The following CCDC171 variants were observed in gnomAD, a reference collection of about 807,000 sequenced individuals.
CCDC171 encodes the protein coiled-coil domain containing 171, also known as coiled-coil domain-containing protein 171.
Under a neutral mutation model 168.2 loss-of-function variants are expected in CCDC171, and 177 were observed. The observed-to-expected ratio is 1.05, with a 90% CI of 0.93 to 1.19. The LOEUF (loss-of-function observed/expected upper bound fraction) is 1.19. Among genes scored for constraint, CCDC171 ranks in the 50% most tolerant of loss-of-function variants. CCDC171 has a pLI of 0.00. For synonymous variants in CCDC171, 687 were observed against 540.8 expected, an observed-to-expected ratio of 1.27 and a Z score of -3.75; for missense variants, 1,991 against 1,539.0, an observed-to-expected ratio of 1.29 and a Z score of -4.91.
intron 25 of CCDC171, among the ~76,000 whole-genome samples, chr9:15,950,971 A>T (rs1210075277): frequency 1.3e-5 from 2 of 151,468 alleles, no homozygotes; most frequent in African/African-American, 4.8e-5. Context: ...AGGGGTTGCA[A>T]TTCTAGTCTC....
At chr9:16,090,640 T>A in the CCDC171 span, among the ~76,000 whole-genome samples, 1 of 152,226 alleles carries the variant, frequency 6.6e-6, no homozygotes, top group African/African-American at 2.4e-5. Flanking sequence ...GGCCTCACTT[T>A]TATCTACCTG....
At chr9:15,635,180 C>T (rs2046106982) in intron 7 of CCDC171, among the ~76,000 whole-genome samples, 1 of 152,152 alleles carries the variant, frequency 6.6e-6, no homozygotes, top group Non-Finnish European at 1.5e-5. Context: ...AGGCCATCTG[C>T]AAGCTGAGGA....
intron 24 of CCDC171, among the ~76,000 whole-genome samples, chr9:15,895,086 CATGTCACTTTTTAGCAA>C (rs1820734588): frequency 6.6e-6 from 1 of 152,072 alleles, no homozygotes; most frequent in South Asian, 2.1e-4. Context: ...TATTTCCAGC[CATGTCACTTTTTAGCAA>C]TGTGCCTGTA....
intron 24 of CCDC171, among the ~76,000 whole-genome samples, chr9:15,909,782 A>C (rs1823341448): frequency 6.6e-6 from 1 of 152,200 alleles, no homozygotes; most frequent in Admixed American, 6.5e-5. Flanking sequence ...AATTTCCTTT[A>C]ATTCCTGGTG....
chr9:15,949,194 G>A (rs1564052130), intron 25 of CCDC171, among the ~76,000 whole-genome samples: 1 of 151,952 alleles, frequency 6.6e-6, no homozygotes, highest in Non-Finnish European at 1.5e-5. Flanking sequence ...CTCAGTTTTG[G>A]TACCAGTACC....
chr9:15,693,872 T>C (rs1372524838), intron 10 of CCDC171, among the ~76,000 whole-genome samples: 1 of 152,174 alleles, frequency 6.6e-6, no homozygotes, highest in Non-Finnish European at 1.5e-5. Flanking sequence ...CCTTCCTTCT[T>C]ACCAAGAGAG....
chr9:15,715,160 C>T (rs1480229806), intron 11 of CCDC171, among the ~76,000 whole-genome samples: 1 of 152,188 alleles, frequency 6.6e-6, no homozygotes, highest in East Asian at 1.9e-4. Context: ...ACTTCCGTTA[C>T]TAATATATTT....
At position 15,571,588 on chromosome 9, in the gene CCDC171, G is replaced by C. The variant is rs779543648; in HGVS notation, c.42-36G>C. 10 of 1,453,954 alleles carry C rather than the reference G, an allele frequency of 6.9e-6. No homozygotes were observed. The South Asian group carries it at 1.4e-4, about 20-fold the overall frequency. The allele number at this position is 1,453,954 out of a possible 1,614,324, so 90.1% of individuals were successfully genotyped here. A position where few individuals can be genotyped will look rare whatever the true frequency, so the allele number is the denominator to read the frequency against. ...AAATGCTCTGAAATGTGCTTTATGA[G>C]AAGCATATACATTTTACTGTAATCT... is the stretch of plus-strand genomic sequence containing the variant. On this transcript the variant is annotated intron_variant, in intron 2 of 25. Transcript: ENST00000380701.
At chr9:15,655,397 T>C (rs1159346333) in intron 7 of CCDC171, among the ~76,000 whole-genome samples, 2 of 152,242 alleles carry the variant, frequency 1.3e-5, no homozygotes, top group Non-Finnish European at 2.9e-5. Context: ...TCTGTTTTTC[T>C]GTCCCGAACA....
At position 16,026,784 on chromosome 9, in the gene CCDC171, T is replaced by C. The variant is rs184991682; in HGVS notation, n.998+3876T>C. 1.4e-3 allele frequency among the ~76,000 whole-genome samples: 206 copies of C among 152,188 alleles called. 5 individuals are homozygous for C. Among genetic ancestry groups the C allele is most frequent in the Non-Finnish European group, 1.8e-3 (120 of 68,032 alleles). On this transcript the variant is annotated intron_variant and non_coding_transcript_variant, in intron 6 of 9. Coordinates refer to the CCDC171 transcript ENST00000486641. ...AAGCTAGAAATGTGGTTTCACTGGA[T>C]AAAAAGCAATAATAAAGCATTCACA...
intron 3 of CCDC171, among the ~76,000 whole-genome samples, chr9:15,576,121 A>G (rs1174293307): frequency 7.3e-6 from 1 of 136,660 alleles, no homozygotes; most frequent in East Asian, 2.3e-4. Flanking sequence ...CTACATATAT[A>G]TCATATTTCA....
At position 15,994,401 on chromosome 9, in the gene CCDC171, A is replaced by C. The variant is rs142051947; in HGVS notation, n.369-26188A>C. The stretch of plus-strand genomic sequence containing the variant: ...AATTGAACAATGAGAACACTTGGAC[A>C]CAGGAAGGGGAACATCACACACCAG... On this transcript the variant is annotated intron_variant and non_coding_transcript_variant, in intron 3 of 9. Transcript: ENST00000486641. 1.7e-3 allele frequency among the ~76,000 whole-genome samples: 254 copies of C among 152,314 alleles called. 2 individuals carry two copies. Among genetic ancestry groups the C allele is most frequent in the African/African-American group, 5.7e-3 (236 of 41,560 alleles).
chr9:15,942,194 T>G (rs1308797757), intron 25 of CCDC171, among the ~76,000 whole-genome samples: 1 of 151,950 alleles, frequency 6.6e-6, no homozygotes, highest in South Asian at 2.1e-4. Context: ...GATTGCTCTA[T>G]TCCTAGATGT....
chr9:15,971,877 A>G lies in CCDC171; in HGVS notation c.*41A>G, dbSNP rs1426026867. 6.0e-6 allele frequency: 9 copies of G among 1,506,542 alleles called. No individual in the cohort carries two copies. The highest frequency in any genetic ancestry group is 1.4e-5 in the African/African-American group (1 of 72,274). 93.3% of individuals were successfully genotyped at this position (1,506,542 alleles called of 1,614,324 possible). ...AAATGGAGGAAGAGTTAACAGTACA[A>G]TTAAAATTGTTTTGAATGGGAATTT... On this transcript the variant is annotated 3_prime_UTR_variant, in exon 26 of 26. Transcript: ENST00000380701.
downstream of CCDC171, among the ~76,000 whole-genome samples, chr9:15,978,910 A>G (rs118114415): frequency 1.3e-5 from 2 of 152,260 alleles, no homozygotes; most frequent in East Asian, 1.9e-4. Flanking sequence ...CCAATCCTCT[A>G]TCCCCTGGTG....
At chr9:15,559,747 G>T (rs7860903) in intron 1 of CCDC171, among the ~76,000 whole-genome samples, 81,948 of 151,820 alleles carry the variant, frequency 0.54, 22,470 homozygotes, top group East Asian at 0.74. Flanking sequence ...GTTAATATTG[G>T]TATGTGTGAA....
intron 23 of CCDC171, among the ~76,000 whole-genome samples, chr9:15,853,337 G>A (rs183663628): frequency 4.8e-4 from 73 of 151,710 alleles, no homozygotes; most frequent in African/African-American, 1.7e-3. Context: ...AATTTGCAAT[G>A]CTATTTTAAA....
intron 18 of CCDC171, among the ~76,000 whole-genome samples, chr9:15,770,122 A>T (rs2056935884): frequency 1.3e-5 from 2 of 152,182 alleles, no homozygotes; most frequent in African/African-American, 2.4e-5. Context: ...CGAAGCTTTA[A>T]TTATATTTGT....
intron 8 of CCDC171, among the ~76,000 whole-genome samples, chr9:15,660,811 G>C (rs1470401662): frequency 6.6e-6 from 1 of 152,140 alleles, no homozygotes; most frequent in African/African-American, 2.4e-5. Context: ...TTTTTTGGTA[G>C]AATGATTTAT....
Sources: gnomAD v4.1 joint callset for allele counts (sites outside exome capture counted in the v4.1 genomes callset) on GRCh38, gnomAD v4.1.1 for gene constraint, MANE v1.5 for transcripts, NCBI Gene and HGNC (gene_info 2026-07-23, HGNC 2026-07-21) for gene names.